The following HTT variants were observed in gnomAD, a reference collection of about 807,000 sequenced individuals.
The protein encoded by HTT is huntington disease protein.
Under a neutral mutation model 362.3 loss-of-function variants are expected in HTT, and 104 were observed. The ratio of observed to expected loss-of-function variants is 0.29; its 90% CI spans 0.24 to 0.34. The LOEUF (loss-of-function observed/expected upper bound fraction) is 0.34. HTT is among the 10% of genes least tolerant of loss of function. The pLI is 1.00. For missense variants in HTT, 3,301 were observed against 3,928.6 expected (o/e 0.84, Z 4.27); for synonymous variants, 1,577 against 1,548.7 (o/e 1.02, Z -0.43).
chr4:3,240,086 C>T lies in HTT; in HGVS notation c.*27C>T, dbSNP rs767429060. 8 of 1,545,344 alleles carry T rather than the reference C, an allele frequency of 5.2e-6. No individual in the cohort carries two copies. The highest frequency in any genetic ancestry group is 2.0e-4 in the Middle Eastern group (1 of 5,032). The stretch of plus-strand genomic sequence containing the variant: ...CGCCATGGTGGGAGAGACTGTGAGG[C>T]GGCAGCTGGGGCCGGAGCCTTTGGA... On this transcript the variant is annotated 3_prime_UTR_variant, in exon 67 of 67. Transcript: ENST00000355072.
intron 29 of HTT, among the ~76,000 whole-genome samples, chr4:3,168,901 C>A (rs1717837092): frequency 6.6e-6 from 1 of 151,950 alleles, no homozygotes; most frequent in Non-Finnish European, 1.5e-5. Context: ...TAATGATATG[C>A]CCTGATGTAG....
At chr4:3,121,697 A>C in intron 9 of HTT, 2 of 219,460 alleles carry the variant, frequency 9.1e-6, no homozygotes, top group Non-Finnish European at 1.8e-5. Context: ...GTCTCTACAA[A>C]AAAAAAAAAA....
chr4:3,136,050 C>G (rs951225991), intron 20 of HTT, 83 bp downstream of exon 20: 7 of 1,031,058 alleles, frequency 6.8e-6, no homozygotes, highest in Non-Finnish European at 1.0e-5. Context: ...TCTCTAAATG[C>G]ATTCGTCATG....
chr4:3,132,065 C>T (rs1219304648), intron 16 of HTT, among the ~76,000 whole-genome samples: 4 of 152,170 alleles, frequency 2.6e-5, no homozygotes, highest in Admixed American at 6.5e-5. Flanking sequence ...GTCGCAGTGG[C>T]GCTGAGTCGC....
At chr4:3,116,017 A>T in intron 7 of HTT, 68 bp from the exon 8 acceptor site, 1 of 1,412,358 alleles carries the variant, frequency 7.1e-7, no homozygotes, top group Non-Finnish European at 9.9e-7. Flanking sequence ...CTTCTTTTTT[A>T]ACAGATTAAG....
Position 3,186,662 on chromosome 4 carries a change from C to T in HTT, c.4932C>T (p.Ser1644=), listed in dbSNP as rs751572784. ...LNTLFEILAP[S]SLRPVDMLLR... is the part of the protein sequence containing the mutation. ...CATTATTTGAGATTTTGGCCCCTTC[C>T]TCCCTCCGTCCGGTAGACATGCTTT... Residue 1644 remains serine, a synonymous_variant, in exon 38 of 67, where the codon TCC becomes TCT. Coordinates refer to ENST00000355072, the MANE Select transcript of HTT (RefSeq NM_001388492.1). 6.2e-7 allele frequency: 1 copy of T among 1,613,616 alleles called. No individual in the cohort carries two copies. Among genetic ancestry groups the T allele is most frequent in the Admixed American group, 1.7e-5 (1 of 59,992 alleles).
chr4:3,173,312 T>C lies in HTT; in HGVS notation c.4166+181T>C, dbSNP rs536595033. ...AGATGATTTAAGGCATAGCCCGGCC[T>C]TCCAAGAAGTGTGTGGCCAGTGAGT... is the stretch of plus-strand genomic sequence containing the variant. On this transcript the variant is annotated intron_variant, in intron 31 of 66. Transcript: ENST00000355072. The C allele has an allele frequency of 1.8e-4, 105 of 599,362 alleles. 1 individual carries two copies. The highest frequency in any genetic ancestry group is 7.6e-4 in the Admixed American group (27 of 35,438). 37.1% of individuals were successfully genotyped at this position (599,362 alleles called of 1,614,324 possible).
At chr4:3,188,900 TGCTTTA>T in intron 39 of HTT, 45 bp from the exon 40 acceptor site, 16 of 1,549,794 alleles carry the variant, frequency 1.0e-5, no homozygotes, top group Non-Finnish European at 1.4e-5. Flanking sequence ...TTGGCGTAAG[TGCTTTA>T]TAGTAGTCAC....
rs1184110382 is a variant in HTT at position 3,173,011 on chromosome 4, G to A, written c.4046G>A (p.Ser1349Asn). 5.6e-6 allele frequency: 9 copies of A among 1,614,034 alleles called. No individual in the cohort carries two copies. Among genetic ancestry groups the A allele is most frequent in the Non-Finnish European group, 7.6e-6 (9 of 1,180,032 alleles). Residue 1349 changes from serine (S) to asparagine (N), a missense_variant, in exon 31 of 67, where the codon AGT (serine) becomes AAT (asparagine). Ser to Asn is a conservative substitution (Grantham distance 46, BLOSUM62 1). Coordinates refer to ENST00000355072, the MANE Select transcript of HTT (RefSeq NM_001388492.1). ...CGAGCACAGCGCCTTGGCTCCTCCA[G>A]TGTGAGGCCAGGCTTGTACCACTAC... Reference protein sequence around the residue: ...QGRAQRLGSSSVRPGLYHYCF... With the variant: ...QGRAQRLGSSNVRPGLYHYCF...
At position 3,211,912 on chromosome 4, in the gene HTT, T is replaced by C; in HGVS notation, c.6415-17T>C. The C allele has an allele frequency of 6.3e-7, 1 of 1,586,202 alleles. No homozygotes were observed. The highest frequency in any genetic ancestry group is 8.7e-7 in the Non-Finnish European group (1 of 1,154,588). On this transcript the variant is annotated splice_polypyrimidine_tract_variant and intron_variant, in intron 47 of 66. Coordinates refer to ENST00000355072, the MANE Select transcript of HTT (RefSeq NM_001388492.1). ...TCTGTTGTTATTGTTTGTTAACCTT[T>C]AATGCTCTGATTTCAGGAGTTCAAC... is the stretch of plus-strand genomic sequence containing the variant.
At chr4:3,199,159 G>C (rs1409971802) in intron 40 of HTT, among the ~76,000 whole-genome samples, 1 of 152,234 alleles carries the variant, frequency 6.6e-6, no homozygotes, top group Non-Finnish European at 1.5e-5. Flanking sequence ...TCTTGGCTTG[G>C]AGCTCCTGGA....
chr4:3,083,501 G>A (rs1411089123), intron 1 of HTT, among the ~76,000 whole-genome samples: 3 of 149,214 alleles, frequency 2.0e-5, no homozygotes, highest in Admixed American at 6.8e-5. Context: ...TACAACCTGG[G>A]CAAGAGAGTG....
At chr4:3,169,808 A>G (rs1174909429) in intron 29 of HTT, among the ~76,000 whole-genome samples, 1 of 152,230 alleles carries the variant, frequency 6.6e-6, no homozygotes, top group Non-Finnish European at 1.5e-5. Flanking sequence ...TCCTGACCTC[A>G]GGTGATTCAT....
chr4:3,172,310 C>G lies in HTT; in HGVS notation c.3865-10C>G. The G allele has an allele frequency of 6.5e-7, 1 of 1,542,676 alleles. No homozygotes were observed. Among genetic ancestry groups the G allele is most frequent in the Non-Finnish European group, 9.0e-7 (1 of 1,115,704 alleles). ...CTGAGTCGCTTAATGTCTCACTTGT[C>G]TTTCTACAGTGTGTTGAAGAGATCC... is the stretch of plus-strand genomic sequence containing the variant. On this transcript the variant is annotated splice_polypyrimidine_tract_variant and intron_variant, in intron 29 of 66. Transcript: ENST00000355072.
At chr4:3,081,348 GT>G (rs1243669348) in intron 1 of HTT, among the ~76,000 whole-genome samples, 1 of 152,094 alleles carries the variant, frequency 6.6e-6, no homozygotes, top group African/African-American at 2.4e-5. Context: ...GAGTGTCTGT[GT>G]TCCAATAGAA....
intron 33 of HTT, 58 bp from the exon 34 acceptor site, chr4:3,177,274 C>G: frequency 8.5e-7 from 1 of 1,180,362 alleles, no homozygotes; most frequent in Non-Finnish European, 1.2e-6. Flanking sequence ...GGAAAAGAAG[C>G]CTGGTTTTTA....
chr4:3,189,590 A>G (rs1299180901), intron 40 of HTT, among the ~76,000 whole-genome samples: 1 of 152,240 alleles, frequency 6.6e-6, no homozygotes, highest in African/African-American at 2.4e-5. Flanking sequence ...ATAGATATAG[A>G]AAGTAGAATG....
At chr4:3,124,144 T>C (rs1715417365) in intron 10 of HTT, among the ~76,000 whole-genome samples, 1 of 152,240 alleles carries the variant, frequency 6.6e-6, no homozygotes, top group Admixed American at 6.5e-5. Flanking sequence ...TGAAACATTG[T>C]TTAGAAGCCA....
intron 40 of HTT, among the ~76,000 whole-genome samples, chr4:3,196,922 A>G (rs979756762): frequency 4.6e-5 from 7 of 152,124 alleles, no homozygotes; most frequent in African/African-American, 1.7e-4. Context: ...CCCTCTGTGT[A>G]CACTCCATTC....
Sources: allele counts gnomAD v4.1 joint callset (sites outside exome capture counted in the v4.1 genomes callset), GRCh38; gene constraint gnomAD v4.1.1; transcripts MANE v1.5; gene names NCBI Gene and HGNC (gene_info 2026-07-23, HGNC 2026-07-21).